Variants in PTPRD observed in about 807,000 individuals in gnomAD.
PTPRD encodes protein tyrosine phosphatase receptor type D, also known as receptor-type tyrosine-protein phosphatase delta.
In PTPRD, 34 loss-of-function variants were observed where a neutral mutation model predicts 214.5. That is an observed-to-expected ratio of 0.16 (90% confidence interval 0.12 to 0.21). PTPRD has a LOEUF of 0.21. PTPRD is among the 10% of genes least tolerant of loss of function. The pLI, the probability that PTPRD is intolerant of heterozygous loss-of-function variation, is 1.00. For missense variants in PTPRD, 2,545 were observed against 2,398.7 expected, an observed-to-expected ratio of 1.06 and a Z score of -1.27; for synonymous variants, 1,128 against 845.7, an observed-to-expected ratio of 1.33 and a Z score of -5.79.
intron 35 of PTPRD, among the ~76,000 whole-genome samples, chr9:8,435,213 T>C (rs117655650): frequency 0.028 from 4,311 of 152,306 alleles, 111 homozygotes; most frequent in South Asian, 0.054. Flanking sequence ...ATTTGAATAT[T>C]TGAAGATTTT....
chr9:8,454,511 C>A, intron 33 of PTPRD: 1 of 1,566,212 alleles, frequency 6.4e-7, no homozygotes, highest in East Asian at 2.3e-5. Flanking sequence ...CCCTCTTCAA[C>A]AACTCTGAAG....
At chr9:8,767,547 G>A (rs1305091087) in intron 11 of PTPRD, among the ~76,000 whole-genome samples, 1 of 152,150 alleles carries the variant, frequency 6.6e-6, no homozygotes, top group South Asian at 2.1e-4. Context: ...AAATATCTGA[G>A]TGACTATCAG....
At chr9:9,923,479 G>A (rs913878237) in intron 5 of PTPRD, among the ~76,000 whole-genome samples, 1 of 132,622 alleles carries the variant, frequency 7.5e-6, no homozygotes, top group Non-Finnish European at 1.7e-5. Context: ...AAATTTCTGA[G>A]CACACACAAA....
chr9:9,221,916 C>A (rs960319656), intron 9 of PTPRD, among the ~76,000 whole-genome samples: 2 of 151,902 alleles, frequency 1.3e-5, no homozygotes, highest in African/African-American at 4.8e-5. Context: ...ACTCTGAAAC[C>A]CCACCCTAGA....
At chr9:9,309,690 T>G (rs1958291199) in intron 9 of PTPRD, among the ~76,000 whole-genome samples, 1 of 152,204 alleles carries the variant, frequency 6.6e-6, no homozygotes, top group Non-Finnish European at 1.5e-5. Context: ...GTAAAATTTT[T>G]GCAGAGAATA....
intron 7 of PTPRD, among the ~76,000 whole-genome samples, chr9:9,676,736 C>A (rs1308938015): frequency 6.6e-6 from 1 of 152,110 alleles, no homozygotes; most frequent in Non-Finnish European, 1.5e-5. Flanking sequence ...AGTTTACAGT[C>A]CCACCAACGT....
intron 2 of PTPRD, among the ~76,000 whole-genome samples, chr9:10,525,727 AGTGTGTGTGTGT>A: frequency 6.8e-6 from 1 of 146,962 alleles, no homozygotes; most frequent in East Asian, 2.0e-4. Context: ...AGATTTTCAA[AGTGTGTGTGTGT>A]GTGTGTGTGT....
intron 2 of PTPRD, among the ~76,000 whole-genome samples, chr9:10,542,193 G>T (rs1436539214): frequency 6.6e-6 from 1 of 151,980 alleles, no homozygotes; most frequent in Non-Finnish European, 1.5e-5. Flanking sequence ...AAACACAGCT[G>T]CTTTGTACTA....
intron 10 of PTPRD, among the ~76,000 whole-genome samples, chr9:9,128,482 A>C (rs1312970461): frequency 6.6e-6 from 1 of 152,226 alleles, no homozygotes; most frequent in Admixed American, 6.5e-5. Context: ...TATGCATAAT[A>C]ACATCATGGC....
At chr9:9,967,881 A>G (rs1335154550) in intron 4 of PTPRD, among the ~76,000 whole-genome samples, 1 of 152,210 alleles carries the variant, frequency 6.6e-6, no homozygotes, top group East Asian at 1.9e-4. Context: ...TTACAAGTAT[A>G]CTTGATAGAA....
At chr9:9,947,396 TTA>T (rs2092783624) in intron 4 of PTPRD, among the ~76,000 whole-genome samples, 2 of 42,286 alleles carry the variant, frequency 4.7e-5, no homozygotes, top group Admixed American at 5.4e-4. Flanking sequence ...TATATACATA[TTA>T]TATATAATAT....
At chr9:9,436,869 A>G (rs534496281) in intron 8 of PTPRD, among the ~76,000 whole-genome samples, 40 of 145,792 alleles carry the variant, frequency 2.7e-4, no homozygotes, top group African/African-American at 1.0e-3. Flanking sequence ...TTGCTTATAT[A>G]CCAAACAAAG....
At chr9:8,677,570 T>G (rs1010426603) in intron 12 of PTPRD, among the ~76,000 whole-genome samples, 6 of 152,250 alleles carry the variant, frequency 3.9e-5, no homozygotes, top group African/African-American at 1.4e-4. Flanking sequence ...CAATCAGGTA[T>G]TATCTGAGTG....
chr9:8,531,389 A>G (rs1047798349), intron 14 of PTPRD, among the ~76,000 whole-genome samples: 1 of 152,046 alleles, frequency 6.6e-6, no homozygotes, highest in Admixed American at 6.6e-5. Context: ...GGGAAAAAGG[A>G]GCAGAAAGAT....
intron 5 of PTPRD, among the ~76,000 whole-genome samples, chr9:9,831,928 G>C (rs1216109273): frequency 1.3e-5 from 2 of 151,918 alleles, no homozygotes. Flanking sequence ...CAAAAATGTG[G>C]ACCCAACCGC....
chr9:9,579,475 G>C (rs2090076313), intron 7 of PTPRD, among the ~76,000 whole-genome samples: 1 of 151,828 alleles, frequency 6.6e-6, no homozygotes, highest in African/African-American at 2.4e-5. Context: ...GGATGTGTAG[G>C]CTTGTTACAT....
At position 9,305,102 on chromosome 9, in the gene PTPRD, C is replaced by T. The variant is rs1333155410; in HGVS notation, c.-203+92347G>A. On this transcript the variant is annotated intron_variant, in intron 9 of 45. Coordinates refer to ENST00000381196, the MANE Select transcript of PTPRD (RefSeq NM_002839.4). ...TTTCTGGAAATTGGTGGAAAATCAA[C>T]TTGCTTCTCATCTTTACCTCCTCTT... Among the ~76,000 whole-genome samples the T allele has an allele frequency of 2.0e-5, 3 of 151,202 alleles. No individual in the cohort carries two copies. In the East Asian group the frequency reaches 5.9e-4, roughly 29 times the overall value.
intron 11 of PTPRD, among the ~76,000 whole-genome samples, chr9:9,008,517 C>T (rs546526584): frequency 3.9e-5 from 6 of 152,094 alleles, no homozygotes; most frequent in South Asian, 4.2e-4. Flanking sequence ...TGAGCCACCG[C>T]GCCCGGCCTC....
intron 2 of PTPRD, among the ~76,000 whole-genome samples, chr9:10,482,417 A>G (rs1168123858): frequency 2.0e-5 from 3 of 151,908 alleles, no homozygotes; most frequent in African/African-American, 7.2e-5. Flanking sequence ...AATCAATAAT[A>G]TTATAACAAT....
Sources: allele counts gnomAD v4.1 joint callset (sites outside exome capture counted in the v4.1 genomes callset), GRCh38; gene constraint gnomAD v4.1.1; transcripts MANE v1.5; gene names NCBI Gene and HGNC (gene_info 2026-07-23, HGNC 2026-07-21).